CUX1: variants seen among roughly 807,000 people sequenced by gnomAD.
The protein encoded by CUX1 is protein CASP.
In CUX1, 31 loss-of-function variants were observed where a neutral mutation model predicts 158.8. The ratio of observed to expected loss-of-function variants is 0.20; its 90% confidence interval spans 0.15 to 0.26. The LOEUF (loss-of-function observed/expected upper bound fraction) is 0.26, where lower values mean the gene tolerates loss of function less well. CUX1 is among the 10% of genes least tolerant of loss of function. The pLI is 1.00. For missense variants in CUX1, 1,589 were observed against 2,014.6 expected, an observed-to-expected ratio of 0.79 and a Z score of 4.04; for synonymous variants, 879 against 862.1, an observed-to-expected ratio of 1.02 and a Z score of -0.34.
At chr7:101,846,018 AG>A (rs1795656797) in intron 1 of CUX1, among the ~76,000 whole-genome samples, 1 of 151,908 alleles carries the variant, frequency 6.6e-6, no homozygotes, top group African/African-American at 2.4e-5. Flanking sequence ...AAAAAAAAAA[AG>A]AAAAAATGCA....
intron 22 of CUX1, among the ~76,000 whole-genome samples, chr7:102,237,407 C>T (rs1554533279): frequency 6.6e-6 from 1 of 151,092 alleles, no homozygotes; most frequent in Non-Finnish European, 1.5e-5. Context: ...TCCCAGCTAC[C>T]CGAGTAGCTG....
chr7:102,169,036 C>A (rs751903135), intron 9 of CUX1, among the ~76,000 whole-genome samples: 40 of 151,196 alleles, frequency 2.6e-4, no homozygotes, highest in African/African-American at 3.7e-4. Context: ...TGGGTTCAAG[C>A]GATTCTTCTG....
chr7:102,282,166 A>T (rs1353509979), intron 21 of CUX1, among the ~76,000 whole-genome samples: 2 of 152,116 alleles, frequency 1.3e-5, no homozygotes, highest in African/African-American at 4.8e-5. Context: ...GGCTGATCAC[A>T]TCTGGGACTG....
intron 3 of CUX1, among the ~76,000 whole-genome samples, chr7:102,035,798 A>C (rs1433019126): frequency 6.6e-6 from 1 of 152,116 alleles, no homozygotes. Context: ...AGAAATTTCC[A>C]CTACTATTGA....
intron 2 of CUX1, among the ~76,000 whole-genome samples, chr7:101,974,211 T>A (rs999597249): frequency 1.3e-5 from 2 of 152,018 alleles, no homozygotes; most frequent in Non-Finnish European, 2.9e-5. Flanking sequence ...ATTCTCATTT[T>A]AAAAATTAAG....
In CUX1 at chr7:101,838,911, A is replaced by G. The variant is rs1376727658; in HGVS notation, c.30+21242A>G. On this transcript the variant is annotated intron_variant, in intron 1 of 23. Coordinates refer to ENST00000292535, the MANE Select transcript of CUX1 (RefSeq NM_181552.4). ...TCACATATTTACACAACACATATTT[A>G]TCTCTCATAGTTCTGGAGGCTGGAA... Among the ~76,000 whole-genome samples, 6 of 152,300 alleles carry G rather than the reference A, an allele frequency of 3.9e-5. No individual in the cohort carries two copies. The South Asian group carries it at 6.2e-4, about 16-fold the overall frequency.
At chr7:102,133,652 T>G (rs1833572377) in intron 8 of CUX1, among the ~76,000 whole-genome samples, 1 of 151,682 alleles carries the variant, frequency 6.6e-6, no homozygotes. Flanking sequence ...ATTTTTGTAG[T>G]TTTTAGTAGA....
At chr7:102,167,094 C>T (rs181456051) in intron 9 of CUX1, among the ~76,000 whole-genome samples, 19 of 151,992 alleles carry the variant, frequency 1.3e-4, no homozygotes, top group African/African-American at 4.1e-4. Context: ...ATGGTGAAAC[C>T]CTGTCTCTAC....
At chr7:101,979,172 G>A (rs1276738291) in intron 2 of CUX1, among the ~76,000 whole-genome samples, 3 of 152,174 alleles carry the variant, frequency 2.0e-5, no homozygotes, top group African/African-American at 7.2e-5. Flanking sequence ...AACCTTCCAG[G>A]AGGTGAGTAC....
At chr7:101,899,316 A>T (rs1381545562) in intron 1 of CUX1, among the ~76,000 whole-genome samples, 1 of 152,190 alleles carries the variant, frequency 6.6e-6, no homozygotes, top group Non-Finnish European at 1.5e-5. Context: ...TGGGAGGCCA[A>T]AGCAGGTGGA....
At chr7:102,262,033 G>C (rs1476580183), downstream of CUX1, among the ~76,000 whole-genome samples, 1 of 152,114 alleles carries the variant, frequency 6.6e-6, no homozygotes, top group Non-Finnish European at 1.5e-5. Context: ...GATCGCTTCA[G>C]CCCAGGAGCT....
intron 17 of CUX1, chr7:102,277,925 C>CCGTGCG: frequency 2.9e-6 from 3 of 1,037,300 alleles, no homozygotes; most frequent in South Asian, 1.5e-5. Context: ...TCCCCCACCC[C>CCGTGCG]TTTCCTTGCC....
intron 7 of CUX1, among the ~76,000 whole-genome samples, chr7:102,114,709 C>G (rs549176117): frequency 1.3e-5 from 2 of 152,330 alleles, no homozygotes; most frequent in African/African-American, 4.8e-5. Flanking sequence ...AAAACCCTGT[C>G]TCTACAACAG....
At chr7:102,016,017 G>C (rs1267570033) in intron 2 of CUX1, among the ~76,000 whole-genome samples, 5 of 151,598 alleles carry the variant, frequency 3.3e-5, no homozygotes, top group Non-Finnish European at 7.4e-5. Context: ...ATCTTGCTCT[G>C]TTGCCCGGGG....
At chr7:101,834,174 T>TC (rs1794372452) in intron 1 of CUX1, among the ~76,000 whole-genome samples, 1 of 136,828 alleles carries the variant, frequency 7.3e-6, no homozygotes, top group South Asian at 2.5e-4. Context: ...TCTTTTTTTT[T>TC]TTTTTTTTTT....
rs992545476 is a variant in CUX1 at position 101,817,888 on chromosome 7, G to A, written c.30+219G>A. 6.6e-6 allele frequency among the ~76,000 whole-genome samples: 1 copy of A among 152,224 alleles called. No homozygotes were observed. Among genetic ancestry groups the A allele is most frequent in the Admixed American group, 6.5e-5 (1 of 15,290 alleles). On this transcript the variant is annotated intron_variant, in intron 1 of 23. Coordinates refer to ENST00000292535, the MANE Select transcript of CUX1 (RefSeq NM_181552.4). This position sits in a 1 kb window ranked among gnomAD's most constrained non-coding sequence, Gnocchi z 4.1. ...TTGGCTGAACTTTCCTAACCTGGAG[G>A]ACTGGTGACAGTGACCTACCGCAAT...
intron 8 of CUX1, among the ~76,000 whole-genome samples, chr7:102,148,123 A>G (rs978693239): frequency 7.2e-5 from 11 of 152,256 alleles, no homozygotes; most frequent in African/African-American, 2.7e-4. Context: ...AATAAATGCA[A>G]CAGAAACAAA....
chr7:102,082,693 T>C (rs782767750), intron 4 of CUX1, among the ~76,000 whole-genome samples: 5 of 147,402 alleles, frequency 3.4e-5, no homozygotes, highest in Non-Finnish European at 6.1e-5. Flanking sequence ...TGGAGTTGTA[T>C]AGAAGTGGAA....
In CUX1 at chr7:102,253,652, G is replaced by T. The variant is rs191627764; in HGVS notation, c.*4610G>T. 116 of 984,328 alleles carry T rather than the reference G, an allele frequency of 1.2e-4. 1 individual carries two copies. In the Middle Eastern group the frequency reaches 4.2e-3, roughly 36 times the overall value. The allele number at this position is 984,328 out of a possible 1,614,324, so 61.0% of individuals were successfully genotyped here. A position where few individuals can be genotyped will look rare whatever the true frequency, so the allele number is the denominator to read the frequency against. ...TCTGGGAGTCACACAAAAGCAGAGAGATTTTGAACTGAGGGGCGACAGCCT... is the reference window on the plus strand; with the variant it reads ...TCTGGGAGTCACACAAAAGCAGAGATATTTTGAACTGAGGGGCGACAGCCT... On this transcript the variant is annotated 3_prime_UTR_variant, in exon 24 of 24. Coordinates refer to ENST00000292535, the MANE Select transcript of CUX1 (RefSeq NM_181552.4).
Sources: allele counts gnomAD v4.1 joint callset (sites outside exome capture counted in the v4.1 genomes callset), GRCh38; gene constraint gnomAD v4.1.1; non-coding constraint Gnocchi (gnomAD v3.1); transcripts MANE v1.5; gene names NCBI Gene and HGNC (gene_info 2026-07-23, HGNC 2026-07-21).